Variants in MBOAT1 observed in about 807,000 individuals in gnomAD.
The protein encoded by MBOAT1 is membrane-bound glycerophospholipid O-acyltransferase 1.
A neutral mutation model predicts 64.4 loss-of-function variants in MBOAT1; 67 were observed. The ratio of observed to expected loss-of-function variants is 1.04; its 90% confidence interval spans 0.85 to 1.27. The LOEUF (loss-of-function observed/expected upper bound fraction) is 1.27. Ranked by LOEUF, MBOAT1 falls within the 50% of genes most tolerant of loss-of-function variation. MBOAT1 has a pLI of 0.00. For synonymous variants in MBOAT1, 229 were observed against 218.9 expected, an observed-to-expected ratio of 1.05 and a Z score of -0.41; for missense variants, 563 against 604.6, an observed-to-expected ratio of 0.93 and a Z score of 0.72.
At chr6:20,187,574 G>T (rs1449916701) in intron 1 of MBOAT1, among the ~76,000 whole-genome samples, 1 of 152,208 alleles carries the variant, frequency 6.6e-6, no homozygotes, top group African/African-American at 2.4e-5. Flanking sequence ...AACCAGAAAA[G>T]ATTCAGCTAT....
rs372080438 is a variant in MBOAT1 at position 20,212,131 on chromosome 6, G to C, written c.99+5C>G. On this transcript the variant is annotated splice_donor_5th_base_variant and intron_variant, in intron 1 of 12. Transcript: ENST00000324607. ...GGGGTCGCTGCGCTCCCGGCCTGCA[G>C]TTACCTGGTCCAGCGGGATGCCCAG... 2 of 1,613,188 alleles carry C rather than the reference G, an allele frequency of 1.2e-6. No individual in the cohort carries two copies. The highest frequency in any genetic ancestry group is 1.7e-6 in the Non-Finnish European group (2 of 1,179,708).
intron 9 of MBOAT1, 112 bp from the exon 10 acceptor site, chr6:20,115,464 GCT>G: frequency 1.3e-6 from 1 of 799,896 alleles, no homozygotes; most frequent in South Asian, 1.5e-5. Context: ...AATAGTGACT[GCT>G]CACAGTTGAG....
Position 20,111,869 on chromosome 6 carries a change from C to T in MBOAT1, c.1209+1007G>A, listed in dbSNP as rs1039653751. Among the ~76,000 whole-genome samples the T allele has an allele frequency of 3.0e-3, 373 of 124,130 alleles. 7 individuals carry two copies. The highest frequency in any genetic ancestry group is 0.013 in the African/African-American group (335 of 25,548). 81.4% of individuals were successfully genotyped at this position (124,130 alleles called of 152,430 possible). ...ATACATATATATATACATATATATA[C>T]ATATATATATGTATATATATATATT... On this transcript the variant is annotated intron_variant, in intron 11 of 12. Transcript: ENST00000324607.
chr6:20,211,986 AC>A (rs1763438329), intron 1 of MBOAT1, 149 bp downstream of exon 1: 8 of 616,508 alleles, frequency 1.3e-5, no homozygotes, highest in Non-Finnish European at 2.3e-5. Context: ...ACACACACAC[AC>A]ACACACACAC....
chr6:20,126,456 C>G, intron 7 of MBOAT1, 61 bp downstream of exon 7: 1 of 1,386,880 alleles, frequency 7.2e-7, no homozygotes, highest in Non-Finnish European at 9.8e-7. Context: ...TAATTAGAAC[C>G]ATTATTAGAG....
rs1343999323 is a variant in MBOAT1, at chr6:20,118,475, A to C, written c.973T>G (p.Trp325Gly). The C allele has an allele frequency of 8.1e-6, 13 of 1,614,104 alleles. No homozygotes were observed. Among genetic ancestry groups the C allele is most frequent in the Non-Finnish European group, 1.1e-5 (13 of 1,180,026 alleles). ...SGVDKNGNFC[W>G]DLLSNLNIWK... is the part of the protein sequence containing the mutation. The stretch of plus-strand genomic sequence containing the variant: ...ATGTTTAGGTTCGAAAGCAGATCCC[A>C]ACAGAAATTCCCATTCTTATCCACT... The change falls in exon 9 of 13, where the codon TGG becomes GGG. Residue 325 changes from tryptophan (W) to glycine (G), a missense_variant. By Grantham distance (184) the Trp-to-Gly change is radical (BLOSUM62 -2). Coordinates refer to ENST00000324607, the MANE Select transcript of MBOAT1 (RefSeq NM_001080480.3).
intron 1 of MBOAT1, among the ~76,000 whole-genome samples, chr6:20,193,092 G>A (rs986575412): frequency 4.5e-5 from 6 of 132,056 alleles, no homozygotes; most frequent in Non-Finnish European, 3.1e-5. Flanking sequence ...TGCAAGCTCC[G>A]TCTCCCGGGT....
At position 20,176,026 on chromosome 6, in the gene MBOAT1, A is replaced by G. The variant is rs113155286; in HGVS notation, c.100-23257T>C. Among the ~76,000 whole-genome samples, 4 of 152,328 alleles carry G rather than the reference A, an allele frequency of 2.6e-5. 1 individual carries two copies. Among genetic ancestry groups the G allele is most frequent in the South Asian group, 2.1e-4 (1 of 4,834 alleles). ...AGGTGGGGCTCAGTGGCTCACGCCT[A>G]TAATCCCAGCACTTTGAGAGGTCAA... On this transcript the variant is annotated intron_variant, in intron 1 of 12. Transcript: ENST00000324607.
intron 1 of MBOAT1, among the ~76,000 whole-genome samples, chr6:20,176,731 C>G (rs1414757266): frequency 6.6e-6 from 1 of 152,148 alleles, no homozygotes; most frequent in Non-Finnish European, 1.5e-5. Context: ...TCAAACAATT[C>G]TCATGCCTCA....
chr6:20,161,192 T>C lies in MBOAT1; in HGVS notation c.100-8423A>G, dbSNP rs569140043. Among the ~76,000 whole-genome samples the C allele has an allele frequency of 4.6e-5, 7 of 152,156 alleles. No homozygotes were observed. In the South Asian group the frequency reaches 1.5e-3, roughly 32 times the overall value. On this transcript the variant is annotated intron_variant, in intron 1 of 12. Coordinates refer to ENST00000324607, the MANE Select transcript of MBOAT1 (RefSeq NM_001080480.3). Reference sequence around the variant, plus strand: ...GGAGTGCAAACCCTATGGTGAACCATGCATGCCAGGGATGTAGGCTGCCGC... The same window carrying C: ...GGAGTGCAAACCCTATGGTGAACCACGCATGCCAGGGATGTAGGCTGCCGC...
chr6:20,154,100 C>T (rs189245892), intron 1 of MBOAT1, among the ~76,000 whole-genome samples: 88 of 152,302 alleles, frequency 5.8e-4, no homozygotes, highest in Non-Finnish European at 1.1e-3. Flanking sequence ...AAACTCATTA[C>T]GGCTGAGCTG....
At chr6:20,156,065 G>T (rs974128589) in intron 1 of MBOAT1, among the ~76,000 whole-genome samples, 9 of 151,922 alleles carry the variant, frequency 5.9e-5, no homozygotes, top group African/African-American at 2.2e-4. Flanking sequence ...TCAGGAGATG[G>T]AGACCATCCT....
In MBOAT1 at chr6:20,124,729, C is replaced by T. The variant is rs554145145; in HGVS notation, c.715-129G>A. On this transcript the variant is annotated intron_variant, in intron 7 of 12. Coordinates refer to ENST00000324607, the MANE Select transcript of MBOAT1 (RefSeq NM_001080480.3). ...TGGCATTATTCCCCAGAAGGAGTGA[C>T]AACAGGCATTCTTCCTCATGAGACA... The T allele has an allele frequency of 9.6e-5, 72 of 749,960 alleles. 1 individual carries two copies. In the South Asian group the frequency reaches 1.3e-3, roughly 13 times the overall value. 46.5% of individuals were successfully genotyped at this position (749,960 alleles called of 1,614,324 possible). A position where few individuals can be genotyped will look rare whatever the true frequency, so the allele number is the denominator to read the frequency against.
At chr6:20,199,558 T>C (rs1157716633) in intron 1 of MBOAT1, among the ~76,000 whole-genome samples, 1 of 152,230 alleles carries the variant, frequency 6.6e-6, no homozygotes, top group Non-Finnish European at 1.5e-5. Flanking sequence ...AAACTCCCAG[T>C]CTGCATACAT....
chr6:20,131,447 T>C (rs1760826403), intron 4 of MBOAT1, among the ~76,000 whole-genome samples: 1 of 152,188 alleles, frequency 6.6e-6, no homozygotes. Context: ...ACTCTGCAGT[T>C]CTCCTTGCTG....
At chr6:20,208,244 G>C (rs1279274535) in intron 1 of MBOAT1, among the ~76,000 whole-genome samples, 2 of 151,626 alleles carry the variant, frequency 1.3e-5, no homozygotes, top group Non-Finnish European at 2.9e-5. Flanking sequence ...TCAGGAGTTC[G>C]AGACCAGCCT....
At chr6:20,113,677 A>T (rs1269417035) in intron 10 of MBOAT1, among the ~76,000 whole-genome samples, 1 of 152,060 alleles carries the variant, frequency 6.6e-6, no homozygotes, top group Non-Finnish European at 1.5e-5. Flanking sequence ...GGTTTTTGGC[A>T]TTCTGATTGT....
chr6:20,159,483 A>T (rs1761786223), intron 1 of MBOAT1, among the ~76,000 whole-genome samples: 1 of 152,218 alleles, frequency 6.6e-6, no homozygotes, highest in Non-Finnish European at 1.5e-5. Flanking sequence ...TTGCGACAAC[A>T]TGATACACCT....
chr6:20,172,035 A>AAAAAAC (rs558845890), intron 1 of MBOAT1, among the ~76,000 whole-genome samples: 1 of 152,140 alleles, frequency 6.6e-6, no homozygotes, highest in Non-Finnish European at 1.5e-5. Flanking sequence ...TCTGTCTCTA[A>AAAAAAC]AAAAACAAAA....
Sources: allele counts gnomAD v4.1 joint callset (sites outside exome capture counted in the v4.1 genomes callset), GRCh38; gene constraint gnomAD v4.1.1; transcripts MANE v1.5; gene names NCBI Gene and HGNC (gene_info 2026-07-23, HGNC 2026-07-21).